DOCK2: variants seen among roughly 807,000 people sequenced by gnomAD.
DOCK2 encodes the protein dedicator of cytokinesis protein 2.
In DOCK2, 87 loss-of-function variants were observed where a neutral mutation model predicts 248.9. The ratio of observed to expected loss-of-function variants is 0.35; its 90% confidence interval spans 0.29 to 0.42. The LOEUF is 0.42. Among genes scored for constraint, DOCK2 ranks in the 10% least tolerant of loss-of-function variants. DOCK2 has a pLI of 1.00. For missense variants in DOCK2, 1,747 were observed against 2,300.2 expected, an observed-to-expected ratio of 0.76 and a Z score of 4.92; for synonymous variants, 805 against 821.6, an observed-to-expected ratio of 0.98 and a Z score of 0.35.
chr5:169,957,469 T>C (rs1223552947), intron 27 of DOCK2, among the ~76,000 whole-genome samples: 1 of 152,208 alleles, frequency 6.6e-6, no homozygotes, highest in African/African-American at 2.4e-5. Flanking sequence ...TCCACAGCCC[T>C]GTAAGGAGAA....
chr5:169,707,470 CAT>C (rs1449206986), intron 14 of DOCK2, among the ~76,000 whole-genome samples: 3 of 152,212 alleles, frequency 2.0e-5, no homozygotes, highest in Non-Finnish European at 2.9e-5. Flanking sequence ...AGTGTGTACA[CAT>C]GTCTGTCATC....
chr5:170,072,651 T>G (rs1242719132), intron 46 of DOCK2, among the ~76,000 whole-genome samples: 1 of 150,526 alleles, frequency 6.6e-6, no homozygotes, highest in Non-Finnish European at 1.5e-5. Context: ...AACTTCTAAG[T>G]CAGTTGATCC....
In DOCK2 at chr5:169,991,340, T is replaced by C. The variant is rs151101525; in HGVS notation, c.2994-4746T>C. On this transcript the variant is annotated intron_variant, in intron 29 of 51. Transcript: ENST00000520908. The stretch of plus-strand genomic sequence containing the variant: ...GCCTCACATGGAACAGTTTTGAGGG[T>C]AGCAAGCCTGGGTTTGGCTCCTCTT... Among the ~76,000 whole-genome samples, 64 of 152,304 alleles carry C rather than the reference T, an allele frequency of 4.2e-4. 1 individual carries two copies. Among genetic ancestry groups the C allele is most frequent in the African/African-American group, 1.5e-3 (63 of 41,574 alleles).
At chr5:169,917,236 C>T (rs1039281211) in intron 27 of DOCK2, among the ~76,000 whole-genome samples, 2 of 152,316 alleles carry the variant, frequency 1.3e-5, no homozygotes, top group South Asian at 2.1e-4. Flanking sequence ...AGGGTTGATT[C>T]CACAACCACA....
intron 25 of DOCK2, among the ~76,000 whole-genome samples, chr5:169,781,522 A>T (rs1191745804): frequency 1.3e-5 from 2 of 152,228 alleles, no homozygotes; most frequent in African/African-American, 4.8e-5. Context: ...GCATAGAACA[A>T]GAGACAGCAG....
At chr5:169,695,688 A>G (rs1426495054) in intron 9 of DOCK2, 115 bp from the exon 10 acceptor site, 1 of 1,418,170 alleles carries the variant, frequency 7.1e-7, no homozygotes, top group African/African-American at 1.5e-5. Context: ...TGATTGGTCC[A>G]TGTATAGCAA....
intron 27 of DOCK2, among the ~76,000 whole-genome samples, chr5:169,878,051 G>C (rs1325250345): frequency 6.6e-6 from 1 of 152,166 alleles, no homozygotes; most frequent in African/African-American, 2.4e-5. Flanking sequence ...GTCTAGAAAA[G>C]AAATGCGTGA....
At chr5:169,985,763 A>G (rs1778052766) in intron 28 of DOCK2, 65 bp from the exon 29 acceptor site, 2 of 1,377,362 alleles carry the variant, frequency 1.5e-6, no homozygotes, top group Non-Finnish European at 9.8e-7. Flanking sequence ...AAAAATTTGA[A>G]GAGCCAACAA....
At chr5:169,673,397 AT>A (rs199660899) in intron 5 of DOCK2, among the ~76,000 whole-genome samples, 6 of 151,986 alleles carry the variant, frequency 3.9e-5, no homozygotes, top group African/African-American at 7.3e-5. Flanking sequence ...ATATATATAT[AT>A]TTTTTTGTTG....
chr5:169,982,194 G>A (rs1243839291), intron 27 of DOCK2, among the ~76,000 whole-genome samples: 1 of 151,740 alleles, frequency 6.6e-6, no homozygotes, highest in Non-Finnish European at 1.5e-5. Context: ...AAACTTGCAA[G>A]AGACAGTCAA....
intron 44 of DOCK2, among the ~76,000 whole-genome samples, chr5:170,061,529 C>A (rs1757327196): frequency 6.6e-6 from 1 of 152,220 alleles, no homozygotes; most frequent in Non-Finnish European, 1.5e-5. Context: ...CTGTTATTAG[C>A]TAAACCGTGG....
At chr5:169,733,457 A>G (rs146042788) in intron 22 of DOCK2, among the ~76,000 whole-genome samples, 143 of 151,952 alleles carry the variant, frequency 9.4e-4, no homozygotes, top group African/African-American at 3.3e-3. Flanking sequence ...GTTTTTACCA[A>G]TAAAAGTTCA....
chr5:169,959,020 G>T (rs1776973631), intron 27 of DOCK2, among the ~76,000 whole-genome samples: 1 of 152,162 alleles, frequency 6.6e-6, no homozygotes, highest in Non-Finnish European at 1.5e-5. Flanking sequence ...AAGTATTTAA[G>T]CCTAGGACTG....
At chr5:169,804,617 T>C (rs1767234609) in intron 26 of DOCK2, among the ~76,000 whole-genome samples, 1 of 152,206 alleles carries the variant, frequency 6.6e-6, no homozygotes, top group Non-Finnish European at 1.5e-5. Flanking sequence ...CTGTGCTAAA[T>C]GCAATCTGCG....
At chr5:169,881,356 G>A in intron 27 of DOCK2, 1 of 1,550,484 alleles carries the variant, frequency 6.4e-7, no homozygotes, top group Non-Finnish European at 8.7e-7. Context: ...GGCCTCGCTT[G>A]TGGCCAGGTA....
intron 22 of DOCK2, among the ~76,000 whole-genome samples, chr5:169,737,427 G>A (rs1477281292): frequency 2.0e-5 from 3 of 152,134 alleles, no homozygotes; most frequent in Non-Finnish European, 4.4e-5. Flanking sequence ...ATTATGAAGT[G>A]TATACTTGGT....
At chr5:169,914,334 C>T (rs889000799) in intron 27 of DOCK2, among the ~76,000 whole-genome samples, 11 of 152,160 alleles carry the variant, frequency 7.2e-5, no homozygotes, top group African/African-American at 2.7e-4. Flanking sequence ...CTAAACCTTT[C>T]TTTGGTTAAT....
intron 29 of DOCK2, among the ~76,000 whole-genome samples, chr5:169,986,870 C>T (rs2113789196): frequency 6.6e-6 from 1 of 152,262 alleles, no homozygotes; most frequent in East Asian, 1.9e-4. Context: ...TATCAAAAAA[C>T]CAAGCATTGT....
At chr5:169,696,149 G>A (rs1489148362) in intron 10 of DOCK2, among the ~76,000 whole-genome samples, 1 of 152,208 alleles carries the variant, frequency 6.6e-6, no homozygotes, top group Non-Finnish European at 1.5e-5. Context: ...TGAATCATGG[G>A]CTCCTCTTGT....
Sources: gnomAD v4.1 joint callset for allele counts (sites outside exome capture counted in the v4.1 genomes callset) on GRCh38, gnomAD v4.1.1 for gene constraint, MANE v1.5 for transcripts, NCBI Gene and HGNC (gene_info 2026-07-23, HGNC 2026-07-21) for gene names.